CFAP91: variants seen among roughly 807,000 people sequenced by gnomAD.
The protein encoded by CFAP91 is cilia- and flagella-associated protein 91.
In CFAP91, 85 loss-of-function variants were observed where a neutral mutation model predicts 95.9. The ratio of observed to expected loss-of-function variants is 0.89; its 90% CI spans 0.74 to 1.06. CFAP91 has a LOEUF of 1.06. Ranked by LOEUF, CFAP91 falls within the 50% of genes least tolerant of loss-of-function variation. CFAP91 has a pLI of 0.00. For missense variants in CFAP91, 962 were observed against 943.4 expected (o/e 1.02, Z -0.26); for synonymous variants, 335 against 327.5 (o/e 1.02, Z -0.25).
chr3:119,707,672 C>G lies in CFAP91; in HGVS notation c.359+111C>G. 3.2e-6 allele frequency: 3 copies of G among 948,144 alleles called. No homozygotes were observed. The East Asian group carries it at 9.3e-5, about 29-fold the overall frequency. 58.7% of individuals were successfully genotyped at this position (948,144 alleles called of 1,614,324 possible). A position where few individuals can be genotyped will look rare whatever the true frequency, so the allele number is the denominator to read the frequency against. On this transcript the variant is annotated intron_variant, in intron 3 of 17. Transcript: ENST00000273390. ...TTCAGTTGTGGTGTTATACCTAGGC[C>G]AAATTTTCTTTCTAAACCTCTTTTG...
chr3:119,730,122 A>G lies in CFAP91; in HGVS notation c.861-98A>G. On this transcript the variant is annotated intron_variant, in intron 7 of 17. Transcript: ENST00000273390. The stretch of plus-strand genomic sequence containing the variant: ...GGTCTTTTGGCAATACATGAATATG[A>G]TAGCAGCCCACAGAGAAGAGCCTGT... 5 of 1,273,046 alleles carry G rather than the reference A, an allele frequency of 3.9e-6. No individual in the cohort carries two copies. The East Asian group carries it at 9.4e-5, about 24-fold the overall frequency. 78.9% of individuals were successfully genotyped at this position (1,273,046 alleles called of 1,614,324 possible).
At chr3:119,738,289 T>TCTCTTTTC (rs2054047825) in intron 11 of CFAP91, among the ~76,000 whole-genome samples, 1 of 148,956 alleles carries the variant, frequency 6.7e-6, no homozygotes, top group Non-Finnish European at 1.5e-5. Flanking sequence ...TGGATAACAT[T>TCTCTTTTC]CTCTTTTCTA....
intron 6 of CFAP91, among the ~76,000 whole-genome samples, chr3:119,721,762 A>G (rs1350944216): frequency 6.6e-6 from 1 of 152,220 alleles, no homozygotes; most frequent in Admixed American, 6.5e-5. Context: ...AAGCAGCAAA[A>G]CTATCCTTAT....
intron 6 of CFAP91, among the ~76,000 whole-genome samples, chr3:119,716,487 A>G (rs539778313): frequency 6.7e-4 from 102 of 152,344 alleles, no homozygotes; most frequent in African/African-American, 2.4e-3. Flanking sequence ...GATAGCTGTG[A>G]TCAAGTCTGC....
chr3:119,710,082 C>G (rs971342845), intron 5 of CFAP91, 187 bp downstream of exon 5: 6 of 573,680 alleles, frequency 1.0e-5, no homozygotes, highest in Non-Finnish European at 1.8e-5. Flanking sequence ...AGAAAATAAC[C>G]AAAGCATCAA....
Position 119,726,327 on chromosome 3 carries a change from TCAGAG to T in CFAP91, c.840_844del (p.Phe280LeufsTer5), listed in dbSNP as rs1208474190. 6 of 1,612,740 alleles carry T rather than the reference TCAGAG, an allele frequency of 3.7e-6. No homozygotes were observed. The East Asian group carries it at 1.3e-4, about 36-fold the overall frequency. ...GAAATGGAGAGGAAGGAGTGGGCCT[TCAGAG>T]AGCAGGAGATTGAAAAGTAGGTTCT... On this transcript the variant is annotated frameshift_variant, in exon 7 of 18. Coordinates refer to ENST00000273390, the MANE Select transcript of CFAP91 (RefSeq NM_033364.4). LOFTEE classifies it high-confidence loss of function.
chr3:119,716,223 A>G (rs558876942), intron 6 of CFAP91, among the ~76,000 whole-genome samples: 3 of 152,370 alleles, frequency 2.0e-5, no homozygotes, highest in Admixed American at 6.5e-5. Context: ...AATGCTAAAT[A>G]TCTTTCAGGC....
rs146268167 is a variant in CFAP91 at position 119,750,956 on chromosome 3, A to G, written c.2163A>G (p.Lys721=). 1.4e-5 allele frequency: 22 copies of G among 1,613,918 alleles called. No individual in the cohort carries two copies. The African/African-American group carries it at 1.9e-4, about 14-fold the overall frequency. ...GCACAGTGAGGAACGCACAGCGGAA[A>G]CATATTCTTGCAGCCCATCAGATCA... The part of the protein sequence containing the change: ...VKEKVRNAQR[K]HILAAHQIIH... The change falls in exon 17 of 18, where the codon AAA becomes AAG. Residue 721 remains lysine, a synonymous_variant. Transcript: ENST00000273390.
At position 119,732,432 on chromosome 3, in the gene CFAP91, C is replaced by A; in HGVS notation, c.1157C>A (p.Ser386Ter). The A allele has an allele frequency of 6.2e-7, 1 of 1,610,448 alleles. No individual in the cohort carries two copies. Among genetic ancestry groups the A allele is most frequent in the Non-Finnish European group, 8.5e-7 (1 of 1,178,954 alleles). The change falls in exon 9 of 18, where the codon TCA (serine) becomes TAA (stop). Residue 386 changes from serine (S) to a stop codon, truncating the protein, a stop_gained. Coordinates refer to ENST00000273390, the MANE Select transcript of CFAP91 (RefSeq NM_033364.4). LOFTEE classifies it high-confidence loss of function. ...SRLGCFPDNN[S>*]EDFVVKNYYL... ...CTTGGGTGTTTCCCAGACAACAACT[C>A]AGAGGACTTTGTAGTAAAAAACTAC...
chr3:119,731,995 A>G (rs1449890668), intron 8 of CFAP91, among the ~76,000 whole-genome samples: 1 of 152,196 alleles, frequency 6.6e-6, no homozygotes, highest in East Asian at 1.9e-4. Flanking sequence ...ACAAACTTTT[A>G]CTGAATACCT....
At chr3:119,754,114 T>C (rs1178291236) in intron 17 of CFAP91, among the ~76,000 whole-genome samples, 1 of 152,178 alleles carries the variant, frequency 6.6e-6, no homozygotes, top group Non-Finnish European at 1.5e-5. Flanking sequence ...GTACATACTA[T>C]ATATATGGAC....
At position 119,766,492 on chromosome 3, in the gene CFAP91, G is replaced by A. The variant is rs2054630258; in HGVS notation, c.*1442G>A. The A allele has an allele frequency of 1.3e-5, 2 of 152,158 alleles. No homozygotes were observed. Among genetic ancestry groups the A allele is most frequent in the Non-Finnish European group, 2.9e-5 (2 of 68,034 alleles). The allele number at this position is 152,158 out of a possible 1,614,324, so 9.4% of individuals were successfully genotyped here. A position where few individuals can be genotyped will look rare whatever the true frequency, so the allele number is the denominator to read the frequency against. On this transcript the variant is annotated 3_prime_UTR_variant, in exon 18 of 18. Coordinates refer to ENST00000273390, the MANE Select transcript of CFAP91 (RefSeq NM_033364.4). ...TTTGAAAAAGGCTAACCTGAGCTAG[G>A]TAAAGGTTATATCATTCACTTTTGA...
chr3:119,760,388 C>T (rs2054517750), intron 17 of CFAP91, among the ~76,000 whole-genome samples: 1 of 151,652 alleles, frequency 6.6e-6, no homozygotes, highest in African/African-American at 2.4e-5. Flanking sequence ...ATATATAAAA[C>T]AAATATTAAT....
chr3:119,718,775 A>C (rs1438280208), intron 6 of CFAP91, among the ~76,000 whole-genome samples: 2 of 152,214 alleles, frequency 1.3e-5, no homozygotes, highest in Admixed American at 1.3e-4. Context: ...ATTATTGAGG[A>C]GTGAAGGCGA....
intron 17 of CFAP91, among the ~76,000 whole-genome samples, chr3:119,762,252 A>C (rs1184579986): frequency 1.6e-5 from 2 of 125,656 alleles, no homozygotes; most frequent in Admixed American, 1.5e-4. Context: ...CAAGGAAAAA[A>C]ATAAAATACT....
At position 119,761,215 on chromosome 3, in the gene CFAP91, A is replaced by G. The variant is rs78648514; in HGVS notation, c.*2-3837A>G. Among the ~76,000 whole-genome samples, 572 of 151,940 alleles carry G rather than the reference A, an allele frequency of 3.8e-3. 5 individuals carry two copies. Among genetic ancestry groups the G allele is most frequent in the African/African-American group, 0.013 (541 of 41,528 alleles). ...AACTGATACCACAGAAATGCAAAAG[A>G]TAAGACTACTATAAACAATTATATA... On this transcript the variant is annotated intron_variant, in intron 17 of 17. Coordinates refer to ENST00000273390, the MANE Select transcript of CFAP91 (RefSeq NM_033364.4).
chr3:119,739,394 C>A, intron 12 of CFAP91, 68 bp downstream of exon 12: 1 of 1,404,526 alleles, frequency 7.1e-7, no homozygotes, highest in Non-Finnish European at 1.0e-6. Flanking sequence ...TGCATATGTG[C>A]TTGGTTCCTT....
At chr3:119,706,610 A>G (rs555191206) in intron 1 of CFAP91, 199 bp from the exon 2 acceptor site, 124 of 528,498 alleles carry the variant, frequency 2.3e-4, no homozygotes, top group African/African-American at 2.1e-3. Flanking sequence ...AAAGAAAAAC[A>G]TCTTGACAAC....
At chr3:119,733,541 G>A (rs760606172) in intron 10 of CFAP91, 35 bp downstream of exon 10, 1 of 1,598,796 alleles carries the variant, frequency 6.3e-7, no homozygotes, top group Non-Finnish European at 8.5e-7. Flanking sequence ...AATGCTTCTA[G>A]TATGATTTTT....
Sources: gnomAD v4.1 joint callset for allele counts (sites outside exome capture counted in the v4.1 genomes callset) on GRCh38, gnomAD v4.1.1 for gene constraint, MANE v1.5 for transcripts, NCBI Gene and HGNC (gene_info 2026-07-23, HGNC 2026-07-21) for gene names.